Variants in FAM227B observed in about 807,000 individuals in gnomAD.
The protein encoded by FAM227B is protein FAM227B.
In FAM227B, 88 loss-of-function variants were observed where a neutral mutation model predicts 73.8. The observed-to-expected ratio is 1.19, with a 90% CI of 1.00 to 1.42. FAM227B has a LOEUF of 1.42. Among genes scored for constraint, FAM227B ranks in the 40% most tolerant of loss-of-function variants. The probability of loss-of-function intolerance (pLI) is 0.00; values close to 1 mark genes in which losing one functional copy is unlikely to be tolerated. For missense variants in FAM227B, 632 were observed against 590.9 expected (o/e 1.07, Z -0.72); for synonymous variants, 210 against 190.5 (o/e 1.10, Z -0.84).
chr15:49,387,223 A>G (rs2046936707), intron 11 of FAM227B, among the ~76,000 whole-genome samples: 1 of 151,828 alleles, frequency 6.6e-6, no homozygotes, highest in Admixed American at 6.6e-5. Flanking sequence ...TTCCTTATGA[A>G]CATAGATTCA....
At chr15:49,496,647 T>C (rs1350059434) in intron 11 of FAM227B, among the ~76,000 whole-genome samples, 1 of 152,122 alleles carries the variant, frequency 6.6e-6, no homozygotes, top group Non-Finnish European at 1.5e-5. Flanking sequence ...TTTATTTCAT[T>C]AAAAACAAAA....
intron 11 of FAM227B, among the ~76,000 whole-genome samples, chr15:49,437,650 T>C (rs1168714359): frequency 6.6e-6 from 1 of 151,724 alleles, no homozygotes; most frequent in Non-Finnish European, 1.5e-5. Context: ...CTTAGAAGGT[T>C]TGTATTCTGA....
At chr15:49,428,564 A>G (rs2050321335) in intron 11 of FAM227B, among the ~76,000 whole-genome samples, 1 of 151,960 alleles carries the variant, frequency 6.6e-6, no homozygotes, top group South Asian at 2.1e-4. Context: ...CAGAAATAAC[A>G]CTGCTCTTTA....
At chr15:49,603,582 G>A (rs1255776520) in intron 3 of FAM227B, among the ~76,000 whole-genome samples, 1 of 152,080 alleles carries the variant, frequency 6.6e-6, no homozygotes, top group African/African-American at 2.4e-5. Context: ...TGCAAACAAG[G>A]AGAATTTGAC....
rs140837067 is a variant in FAM227B, at chr15:49,342,767, T to G, written c.1272-7271A>C. 2.6e-5 allele frequency among the ~76,000 whole-genome samples: 4 copies of G among 152,296 alleles called. No homozygotes were observed. The East Asian group carries it at 7.7e-4, about 29-fold the overall frequency. On this transcript the variant is annotated intron_variant, in intron 13 of 15. Transcript: ENST00000299338. ...GTGCTTGCGTGTCTGGAAGATTTTA[T>G]TTCTCCTTGCTTATGAAGCTTAGTT...
At chr15:49,363,561 G>A (rs7175722) in intron 13 of FAM227B, among the ~76,000 whole-genome samples, 3,378 of 152,170 alleles carry the variant, frequency 0.022, 101 homozygotes, top group South Asian at 0.077. Context: ...GGATCATATT[G>A]TCTATAAACA....
At chr15:49,534,145 G>GGA (rs2060830563) in intron 10 of FAM227B, among the ~76,000 whole-genome samples, 1 of 151,662 alleles carries the variant, frequency 6.6e-6, no homozygotes. Flanking sequence ...CATTTCCCAT[G>GGA]AGAACCATTT....
At chr15:49,332,004 G>T (rs1226912775) in intron 14 of FAM227B, 155 bp from the exon 15 acceptor site, 1 of 586,796 alleles carries the variant, frequency 1.7e-6, no homozygotes, top group African/African-American at 1.9e-5. Context: ...TCTGAAGTAG[G>T]TACTCCTATT....
intron 12 of FAM227B, among the ~76,000 whole-genome samples, chr15:49,369,177 T>C (rs2045616082): frequency 6.6e-6 from 1 of 152,100 alleles, no homozygotes; most frequent in Non-Finnish European, 1.5e-5. Context: ...CAGGATGGTT[T>C]TGATCTCCTG....
At chr15:49,548,400 C>A (rs543428257) in intron 9 of FAM227B, among the ~76,000 whole-genome samples, 9 of 152,022 alleles carry the variant, frequency 5.9e-5, no homozygotes, top group African/African-American at 2.2e-4. Flanking sequence ...ATCTTTCTCA[C>A]GTATTGTTGA....
intron 11 of FAM227B, among the ~76,000 whole-genome samples, chr15:49,461,325 C>T (rs2053777395): frequency 6.6e-6 from 1 of 152,176 alleles, no homozygotes; most frequent in Non-Finnish European, 1.5e-5. Flanking sequence ...AATCCATGCA[C>T]AATGTTAGAT....
chr15:49,523,604 T>C (rs778593840), intron 10 of FAM227B, among the ~76,000 whole-genome samples: 1 of 152,150 alleles, frequency 6.6e-6, no homozygotes, highest in Non-Finnish European at 1.5e-5. Context: ...GCTAAAAAGA[T>C]ACCAAAAAAT....
chr15:49,446,148 A>G (rs1299273332), intron 11 of FAM227B, among the ~76,000 whole-genome samples: 4 of 151,602 alleles, frequency 2.6e-5, no homozygotes, highest in Non-Finnish European at 4.4e-5. Context: ...TAGGCTGACA[A>G]CAATTTTCAT....
intron 4 of FAM227B, among the ~76,000 whole-genome samples, chr15:49,589,542 T>TACACAC (rs35391819): frequency 0.042 from 5,936 of 139,720 alleles, 203 homozygotes; most frequent in Non-Finnish European, 0.055. Flanking sequence ...TTTATGAGAT[T>TACACAC]ACACACACAC....
At chr15:49,334,172 A>G in intron 14 of FAM227B, 1 of 773,216 alleles carries the variant, frequency 1.3e-6, no homozygotes, top group Non-Finnish European at 1.6e-6. Context: ...ACATCTCTTC[A>G]ATTAAAGATG....
chr15:49,339,138 G>A (rs1596295257), intron 13 of FAM227B, among the ~76,000 whole-genome samples: 1 of 152,136 alleles, frequency 6.6e-6, no homozygotes, highest in Non-Finnish European at 1.5e-5. Flanking sequence ...CTGTCAGTTT[G>A]TCAAACTTAT....
chr15:49,520,338 CCA>C (rs2059692216), intron 10 of FAM227B, among the ~76,000 whole-genome samples: 2 of 152,104 alleles, frequency 1.3e-5, no homozygotes, highest in Admixed American at 6.6e-5. Context: ...CCAAACTTTT[CCA>C]CATGTTTATG....
At chr15:49,531,096 T>G (rs573291286) in intron 10 of FAM227B, among the ~76,000 whole-genome samples, 87 of 133,508 alleles carry the variant, frequency 6.5e-4, no homozygotes, top group African/African-American at 2.6e-3. Context: ...AAGTTTAAAC[T>G]AATAATTAAA....
At chr15:49,335,756 T>C (rs1473208282) in intron 13 of FAM227B, among the ~76,000 whole-genome samples, 3 of 152,242 alleles carry the variant, frequency 2.0e-5, no homozygotes, top group Admixed American at 6.5e-5. Flanking sequence ...AATCCTGTAA[T>C]TACCTTTTGT....
Sources: gnomAD v4.1 joint callset for allele counts (sites outside exome capture counted in the v4.1 genomes callset) on GRCh38, gnomAD v4.1.1 for gene constraint, MANE v1.5 for transcripts, NCBI Gene and HGNC (gene_info 2026-07-23, HGNC 2026-07-21) for gene names.